The following ANXA4 variants were observed in gnomAD, a reference collection of about 807,000 sequenced individuals.
ANXA4 encodes the protein annexin A4, also known as 35-beta calcimedin.
A neutral mutation model predicts 49.8 loss-of-function variants in ANXA4; 39 were observed. The ratio of observed to expected loss-of-function variants is 0.78; its 90% CI spans 0.61 to 1.02. The LOEUF (loss-of-function observed/expected upper bound fraction) is 1.02. Ranked by LOEUF, ANXA4 falls within the 50% of genes least tolerant of loss-of-function variation. The probability of loss-of-function intolerance (pLI) is 0.00; values close to 1 mark genes in which losing one functional copy is unlikely to be tolerated. For missense variants in ANXA4, 360 were observed against 410.1 expected, an observed-to-expected ratio of 0.88 and a Z score of 1.05; for synonymous variants, 134 against 152.5, an observed-to-expected ratio of 0.88 and a Z score of 0.89.
At chr2:69,736,142 G>T (rs753423392) in intron 3 of ANXA4, among the ~76,000 whole-genome samples, 1 of 152,152 alleles carries the variant, frequency 6.6e-6, no homozygotes, top group Non-Finnish European at 1.5e-5. Context: ...CATTACTTTG[G>T]TTGTGCAGTC....
Position 69,825,598 on chromosome 2 carries a change from T to A in ANXA4, c.*83T>A. ...TTTTTCTACACTGCTATTATCATTA[T>A]CTCAGAATGCTTATTTCCAATTAAA... On this transcript the variant is annotated 3_prime_UTR_variant, in exon 13 of 13. Coordinates refer to ENST00000394295, the MANE Select transcript of ANXA4 (RefSeq NM_001153.5). The A allele has an allele frequency of 9.7e-7, 1 of 1,035,084 alleles. No individual in the cohort carries two copies. The highest frequency in any genetic ancestry group is 1.5e-6 in the Non-Finnish European group (1 of 685,780). 64.1% of individuals were successfully genotyped at this position (1,035,084 alleles called of 1,614,324 possible). A position where few individuals can be genotyped will look rare whatever the true frequency, so the allele number is the denominator to read the frequency against.
intron 2 of ANXA4, among the ~76,000 whole-genome samples, chr2:69,784,792 A>C (rs1197810267): frequency 2.0e-5 from 3 of 152,210 alleles, no homozygotes; most frequent in African/African-American, 7.2e-5. Context: ...GTTTGCTGGC[A>C]ATCCTAGCTA....
intron 2 of ANXA4, among the ~76,000 whole-genome samples, chr2:69,655,491 C>A (rs1170711516): frequency 2.0e-5 from 3 of 152,114 alleles, no homozygotes; most frequent in Non-Finnish European, 4.4e-5. Flanking sequence ...CCATCTCATG[C>A]CAGTTAGAAT....
chr2:69,794,881 G>C (rs1573272425), intron 3 of ANXA4, among the ~76,000 whole-genome samples: 1 of 152,042 alleles, frequency 6.6e-6, no homozygotes, highest in African/African-American at 2.4e-5. Context: ...TGGTATAAAG[G>C]GTGAGCCATT....
chr2:69,787,934 C>A, intron 2 of ANXA4, 120 bp from the exon 3 acceptor site: 1 of 823,898 alleles, frequency 1.2e-6, no homozygotes. Flanking sequence ...ACTACTGTAC[C>A]CCTAGCACCT....
intron 1 of ANXA4, among the ~76,000 whole-genome samples, chr2:69,776,891 C>T (rs1026131008): frequency 2.6e-5 from 4 of 152,188 alleles, no homozygotes; most frequent in Admixed American, 6.5e-5. Context: ...CACAGTCCTC[C>T]ACCACTTCAG....
chr2:69,663,293 CTTTTTTTTTTTTTTTTTTTTTT>C (rs55970370), intron 2 of ANXA4, among the ~76,000 whole-genome samples: 63 of 42,834 alleles, frequency 1.5e-3, no homozygotes, highest in African/African-American at 5.2e-3. Context: ...TGCACCCGGC[CTTTTTTTTTTTTTTTTTTTTTT>C]TTTTTTTTTT....
intron 8 of ANXA4, 170 bp from the exon 9 acceptor site, chr2:69,815,931 T>C (rs1216980861): frequency 1.7e-6 from 1 of 605,952 alleles, no homozygotes; most frequent in Non-Finnish European, 3.0e-6. Flanking sequence ...CCAACAGCCT[T>C]ATGCCTGAGG....
intron 3 of ANXA4, among the ~76,000 whole-genome samples, chr2:69,726,903 T>TAC (rs1669976198): frequency 6.6e-6 from 1 of 152,140 alleles, no homozygotes; most frequent in Non-Finnish European, 1.5e-5. Context: ...TATATATATA[T>TAC]ACAGGGTCTT....
At chr2:69,710,520 T>A (rs1302840349) in intron 2 of ANXA4, among the ~76,000 whole-genome samples, 2 of 132,162 alleles carry the variant, frequency 1.5e-5, no homozygotes, top group African/African-American at 4.4e-5. Context: ...CATGACTCTG[T>A]CTGTATTTCA....
intron 2 of ANXA4, among the ~76,000 whole-genome samples, chr2:69,697,510 C>T (rs1678195883): frequency 6.6e-6 from 1 of 152,186 alleles, no homozygotes; most frequent in African/African-American, 2.4e-5. Flanking sequence ...TTTTAATTTC[C>T]TTCAAGAATT....
intron 1 of ANXA4, among the ~76,000 whole-genome samples, chr2:69,772,718 A>G (rs1338931063): frequency 1.3e-5 from 2 of 152,144 alleles, no homozygotes; most frequent in Non-Finnish European, 2.9e-5. Flanking sequence ...TGTATATTCT[A>G]TTTAGAAATC....
chr2:69,660,775 G>GGAGAGAGAGA (rs60225306), intron 2 of ANXA4, among the ~76,000 whole-genome samples: 1 of 145,666 alleles, frequency 6.9e-6, no homozygotes, highest in Non-Finnish European at 1.5e-5. Flanking sequence ...AGGGAGGGAG[G>GGAGAGAGAGA]GAGAGAGAGA....
intron 2 of ANXA4, among the ~76,000 whole-genome samples, chr2:69,681,926 C>G (rs993797887): frequency 2.0e-5 from 3 of 151,954 alleles, no homozygotes; most frequent in Admixed American, 6.6e-5. Context: ...AGCCTTGACC[C>G]TCTGGGCTCA....
intron 1 of ANXA4, among the ~76,000 whole-genome samples, chr2:69,743,746 G>A (rs558886018): frequency 6.6e-6 from 1 of 152,224 alleles, no homozygotes; most frequent in East Asian, 1.9e-4. Context: ...ACATAGACAG[G>A]CACAGACACA....
chr2:69,787,971 G>A (rs1000769677), intron 2 of ANXA4, 83 bp from the exon 3 acceptor site: 34 of 1,206,140 alleles, frequency 2.8e-5, no homozygotes, highest in Non-Finnish European at 3.9e-5. Flanking sequence ...TATGGTCAGT[G>A]CTCAACAAAT....
rs143249433 is a variant in ANXA4 at position 69,812,544 on chromosome 2, A to G, written c.478-109A>G. 3.7e-5 allele frequency: 32 copies of G among 873,374 alleles called. No homozygotes were observed. The African/African-American group carries it at 4.7e-4, about 13-fold the overall frequency. The allele number at this position is 873,374 out of a possible 1,614,324, so 54.1% of individuals were successfully genotyped here. On this transcript the variant is annotated intron_variant, in intron 7 of 12. Transcript: ENST00000394295. ...CCTCCCTCCCTGGGTCTGAAGCTCC[A>G]ATTCTTGTGGTATTTTGTCTCATTA...
intron 2 of ANXA4, among the ~76,000 whole-genome samples, chr2:69,667,428 C>T (rs1000902499): frequency 6.6e-6 from 1 of 151,200 alleles, no homozygotes; most frequent in Non-Finnish European, 1.5e-5. Flanking sequence ...ACACTCAAAC[C>T]TTGTTATGAC....
chr2:69,726,048 T>A (rs1669956210), intron 3 of ANXA4, among the ~76,000 whole-genome samples: 1 of 152,302 alleles, frequency 6.6e-6, no homozygotes, highest in East Asian at 1.9e-4. Flanking sequence ...CTGATATGGT[T>A]TTGCTCTGGG....
Sources: allele counts gnomAD v4.1 joint callset (sites outside exome capture counted in the v4.1 genomes callset), GRCh38; gene constraint gnomAD v4.1.1; transcripts MANE v1.5; gene names NCBI Gene and HGNC (gene_info 2026-07-23, HGNC 2026-07-21).